Variants in FECH observed in about 807,000 individuals in gnomAD.
FECH encodes ferrochelatase, mitochondrial.
Under a neutral mutation model 56.9 loss-of-function variants are expected in FECH, and 40 were observed. The ratio of observed to expected loss-of-function variants is 0.70; its 90% CI spans 0.55 to 0.92. The LOEUF is 0.92. Ranked by LOEUF, FECH falls within the 40% of genes least tolerant of loss-of-function variation. The pLI, the probability that FECH is intolerant of heterozygous loss-of-function variation, is 0.00. For missense variants in FECH, 431 were observed against 529.1 expected, an observed-to-expected ratio of 0.81 and a Z score of 1.82; for synonymous variants, 175 against 198.6, an observed-to-expected ratio of 0.88 and a Z score of 1.00.
intron 3 of FECH, among the ~76,000 whole-genome samples, chr18:57,572,062 G>A (rs770048987): frequency 4.1e-4 from 63 of 152,260 alleles, no homozygotes; most frequent in Non-Finnish European, 7.5e-4. Flanking sequence ...GCCATATGAT[G>A]CAGTTCTAAA....
chr18:57,579,504 C>T (rs180839461), intron 2 of FECH, among the ~76,000 whole-genome samples: 30 of 152,134 alleles, frequency 2.0e-4, no homozygotes, highest in Non-Finnish European at 3.2e-4. Context: ...GACTTGGGAG[C>T]GGTTGTGACT....
In FECH at chr18:57,551,325, A is replaced by C; in HGVS notation, c.1127T>G (p.Leu376Trp). The change falls in exon 10 of 11, where the codon TTG (leucine) becomes TGG (tryptophan). Residue 376 changes from leucine to tryptophan, a missense_variant. Transcript: ENST00000262093. ...TAACACTGTAGATACCTTAGAGAACAATGGATTTCCATTAAGAGACTCAGC... is the reference window on the plus strand; with the variant it reads ...TAACACTGTAGATACCTTAGAGAACCATGGATTTCCATTAAGAGACTCAGC... ...RRAESLNGNPLFSKALADLVH... is the reference protein window; with the variant it reads ...RRAESLNGNPWFSKALADLVH... 9.9e-6 allele frequency: 16 copies of C among 1,611,304 alleles called. No individual in the cohort carries two copies. Among genetic ancestry groups the C allele is most frequent in the Non-Finnish European group, 1.4e-5 (16 of 1,177,488 alleles).
chr18:57,582,623 A>G (rs1165097473), intron 1 of FECH, among the ~76,000 whole-genome samples: 1 of 151,964 alleles, frequency 6.6e-6, no homozygotes, highest in Non-Finnish European at 1.5e-5. Flanking sequence ...GAGTTAAAAA[A>G]AAAAGAAAGG....
rs370521491 is a variant in FECH, at chr18:57,566,435, A to T, written c.598+12T>A. ...CGTATCTACCTTTCCACTGTCAGAG[A>T]GATGCCCTTACCTGTGGTGGAGCAG... On this transcript the variant is annotated intron_variant, in intron 5 of 10. Coordinates refer to ENST00000262093, the MANE Select transcript of FECH (RefSeq NM_000140.5). 599 of 1,613,994 alleles carry T rather than the reference A, an allele frequency of 3.7e-4. No homozygotes were observed. Among genetic ancestry groups the T allele is most frequent in the Admixed American group, 5.7e-4 (34 of 59,994 alleles).
At chr18:57,571,317 T>A in intron 4 of FECH, 75 bp downstream of exon 4, 1 of 1,483,472 alleles carries the variant, frequency 6.7e-7, no homozygotes. Context: ...GCATTTAGCA[T>A]CTACTACTCT....
chr18:57,586,527 G>A (rs758660022), intron 1 of FECH, 27 bp downstream of exon 1: 1 of 1,519,094 alleles, frequency 6.6e-7, no homozygotes, highest in South Asian at 1.2e-5. Context: ...TCCTGGCCCT[G>A]GCGGCCGCCG....
In FECH at chr18:57,548,261, A is replaced by AC. The variant is rs886053980; in HGVS notation, c.*2450_*2451insG. On this transcript the variant is annotated 3_prime_UTR_variant, in exon 11 of 11. Coordinates refer to ENST00000262093, the MANE Select transcript of FECH (RefSeq NM_000140.5). ...GCAAGACTCCATCTTAAAAAAAAAA[A>AC]AAAACAAAACAAAACAATGAGTTCA... The AC allele has an allele frequency of 1.8e-4, 28 of 151,690 alleles. No homozygotes were observed. The highest frequency in any genetic ancestry group is 1.7e-3 in the South Asian group (8 of 4,794). 9.4% of individuals were successfully genotyped at this position (151,690 alleles called of 1,614,324 possible). A position where few individuals can be genotyped will look rare whatever the true frequency, so the allele number is the denominator to read the frequency against.
chr18:57,583,703 G>A (rs953502861), intron 1 of FECH, among the ~76,000 whole-genome samples: 5 of 152,222 alleles, frequency 3.3e-5, no homozygotes, highest in African/African-American at 1.2e-4. Context: ...GCTCACGCCT[G>A]TAATTCCAGC....
chr18:57,548,855 C>T lies in FECH; in HGVS notation c.*1857G>A, dbSNP rs900163848. 1 of 152,176 alleles carries T rather than the reference C, an allele frequency of 6.6e-6. No homozygotes were observed. Among genetic ancestry groups the T allele is most frequent in the South Asian group, 2.1e-4 (1 of 4,832 alleles). The allele number at this position is 152,176 out of a possible 1,614,324, so 9.4% of individuals were successfully genotyped here. A position where few individuals can be genotyped will look rare whatever the true frequency, so the allele number is the denominator to read the frequency against. The stretch of plus-strand genomic sequence containing the variant: ...TGCTTCAGATATACTCGCAAGGGCT[C>T]CTGAATTGGAGTTTTCTGCATCATC... On this transcript the variant is annotated 3_prime_UTR_variant, in exon 11 of 11. Transcript: ENST00000262093.
At chr18:57,559,385 C>T (rs1204204043) in intron 6 of FECH, 142 bp from the exon 7 acceptor site, 1 of 643,184 alleles carries the variant, frequency 1.6e-6, no homozygotes, top group Non-Finnish European at 2.8e-6. Context: ...TAAAAAATTG[C>T]AAACAGTCCA....
At chr18:57,555,027 A>C (rs1031733349) in intron 7 of FECH, 75 bp from the exon 8 acceptor site, 5 of 1,140,018 alleles carry the variant, frequency 4.4e-6, no homozygotes, top group Non-Finnish European at 5.3e-6. Context: ...ATGTGCTGAC[A>C]CAGTGTGAGC....
chr18:57,580,433 A>G (rs1435828251), intron 1 of FECH, among the ~76,000 whole-genome samples: 1 of 152,044 alleles, frequency 6.6e-6, no homozygotes, highest in South Asian at 2.1e-4. Flanking sequence ...GCATTTTAGA[A>G]ACTACACACA....
At chr18:57,575,071 A>T (rs2051165769) in intron 2 of FECH, among the ~76,000 whole-genome samples, 1 of 152,196 alleles carries the variant, frequency 6.6e-6, no homozygotes, top group African/African-American at 2.4e-5. Context: ...ATAGAAATGG[A>T]ATCACATGAT....
At chr18:57,568,302 G>A (rs1433387561) in intron 4 of FECH, among the ~76,000 whole-genome samples, 1 of 152,158 alleles carries the variant, frequency 6.6e-6, no homozygotes, top group Non-Finnish European at 1.5e-5. Context: ...CATACTAAGA[G>A]GTAGAAAGGC....
At chr18:57,554,183 G>T in intron 9 of FECH, 77 bp downstream of exon 9, 1 of 1,442,404 alleles carries the variant, frequency 6.9e-7, no homozygotes, top group South Asian at 1.1e-5. Context: ...ATTTCTGAAT[G>T]ATACATTAGT....
At chr18:57,555,793 G>T (rs1027809010) in intron 7 of FECH, among the ~76,000 whole-genome samples, 1 of 152,116 alleles carries the variant, frequency 6.6e-6, no homozygotes, top group Non-Finnish European at 1.5e-5. Context: ...TGGAAACAGT[G>T]CCTGGAATAT....
intron 7 of FECH, among the ~76,000 whole-genome samples, chr18:57,558,915 T>C (rs1332552853): frequency 9.8e-6 from 1 of 102,010 alleles, no homozygotes; most frequent in Non-Finnish European, 2.2e-5. Flanking sequence ...AGCAAGACTC[T>C]GTTTCAAAAA....
At chr18:57,570,032 CGTGTGT>C (rs10608112) in intron 4 of FECH, among the ~76,000 whole-genome samples, 9,458 of 122,640 alleles carry the variant, frequency 0.077, 410 homozygotes, top group African/African-American at 0.12. Context: ...TTGTTGTTGT[CGTGTGT>C]GTGTGTGTGT....
intron 5 of FECH, 35 bp from the exon 6 acceptor site, chr18:57,563,015 T>C (rs1598991802): frequency 6.5e-7 from 1 of 1,546,014 alleles, no homozygotes; most frequent in Non-Finnish European, 8.9e-7. Flanking sequence ...TAGATGCATT[T>C]TGATTATGGT....
Sources: allele counts gnomAD v4.1 joint callset (sites outside exome capture counted in the v4.1 genomes callset), GRCh38; gene constraint gnomAD v4.1.1; transcripts MANE v1.5; gene names NCBI Gene and HGNC (gene_info 2026-07-23, HGNC 2026-07-21).